PINX1: variants seen among roughly 807,000 people sequenced by gnomAD.
PINX1 encodes PIN2 (TERF1) interacting telomerase inhibitor 1.
A neutral mutation model predicts 25.4 loss-of-function variants in PINX1; 34 were observed. The observed-to-expected ratio is 1.34, with a 90% CI of 1.02 to 1.78. The LOEUF (loss-of-function observed/expected upper bound fraction) is 1.78. PINX1 is among the 40% of genes most tolerant of loss of function. The pLI is 0.00. For missense variants in PINX1, 592 were observed against 404.9 expected (o/e 1.46, Z -3.97); for synonymous variants, 197 against 147.7 (o/e 1.33, Z -2.42).
intron 4 of PINX1, among the ~76,000 whole-genome samples, chr8:10,830,597 C>A (rs976410849): frequency 5.9e-5 from 9 of 152,132 alleles, no homozygotes; most frequent in Non-Finnish European, 1.2e-4. Flanking sequence ...ATAGACTGTT[C>A]ATAAACAAGA....
chr8:10,799,170 T>C (rs892482669), intron 6 of PINX1, among the ~76,000 whole-genome samples: 3 of 152,182 alleles, frequency 2.0e-5, no homozygotes, highest in East Asian at 1.9e-4. Flanking sequence ...TTGGAATCTA[T>C]ATCTGGACAG....
chr8:10,793,818 A>G (rs916320882), intron 6 of PINX1, among the ~76,000 whole-genome samples: 35 of 152,210 alleles, frequency 2.3e-4, no homozygotes, highest in Admixed American at 3.9e-4. Flanking sequence ...GTTGTAACAA[A>G]TCATGACAAC....
rs551367693 is a variant in PINX1, at chr8:10,785,099, A to G, written c.472-19183T>C. Among the ~76,000 whole-genome samples, 117 of 152,344 alleles carry G rather than the reference A, an allele frequency of 7.7e-4. 3 individuals carry two copies. The South Asian group carries it at 0.021, about 27-fold the overall frequency. On this transcript the variant is annotated intron_variant, in intron 6 of 6. Transcript: ENST00000314787. ...AAAAACTTCTTTTTAGAAAATTCCC[A>G]TAACGTTTTAAGCTAGTTCAAGATT...
At chr8:10,837,708 C>T (rs768071744) in intron 1 of PINX1, among the ~76,000 whole-genome samples, 2 of 152,134 alleles carry the variant, frequency 1.3e-5, no homozygotes, top group Non-Finnish European at 2.9e-5. Flanking sequence ...CAATAAAAAC[C>T]ATCCACACAA....
chr8:10,809,821 T>C (rs955758742), intron 6 of PINX1, among the ~76,000 whole-genome samples: 2 of 152,274 alleles, frequency 1.3e-5, no homozygotes, highest in Non-Finnish European at 2.9e-5. Flanking sequence ...ATTTTATGAA[T>C]CTTCGAAGTT....
intron 5 of PINX1, among the ~76,000 whole-genome samples, chr8:10,822,936 T>C (rs754051833): frequency 1.6e-4 from 24 of 152,216 alleles, no homozygotes; most frequent in Non-Finnish European, 2.6e-4. Context: ...GAAGGACAAA[T>C]AAAATGACAT....
intron 6 of PINX1, among the ~76,000 whole-genome samples, chr8:10,812,626 T>C (rs1406008188): frequency 1.3e-5 from 2 of 152,226 alleles, no homozygotes; most frequent in East Asian, 3.8e-4. Flanking sequence ...ATTTCTTCCA[T>C]CTGTTTCTGT....
chr8:10,779,161 T>C (rs929032231), intron 6 of PINX1, among the ~76,000 whole-genome samples: 1 of 152,258 alleles, frequency 6.6e-6, no homozygotes, highest in African/African-American at 2.4e-5. Context: ...TCTAGCCGTA[T>C]TTTTTAAAGG....
chr8:10,767,248 C>G (rs1012577710), intron 6 of PINX1, among the ~76,000 whole-genome samples: 2 of 152,096 alleles, frequency 1.3e-5, no homozygotes, highest in African/African-American at 4.8e-5. Context: ...TATAAACAGA[C>G]CCTGTATTGT....
At chr8:10,773,249 T>G (rs1193248709) in intron 6 of PINX1, among the ~76,000 whole-genome samples, 1 of 152,174 alleles carries the variant, frequency 6.6e-6, no homozygotes, top group African/African-American at 2.4e-5. Context: ...TATATACACG[T>G]ATGGAACTGG....
intron 5 of PINX1, chr8:10,825,480 T>C: frequency 3.7e-6 from 2 of 534,066 alleles, no homozygotes; most frequent in Non-Finnish European, 7.7e-6. Context: ...TTCTATTAGG[T>C]TAAATTGCTT....
chr8:10,824,187 G>C (rs902154838), intron 5 of PINX1, among the ~76,000 whole-genome samples: 3 of 152,188 alleles, frequency 2.0e-5, no homozygotes, highest in Non-Finnish European at 2.9e-5. Flanking sequence ...TTTTACAAAA[G>C]AGGAAACTGA....
chr8:10,822,479 G>A (rs751268210), intron 5 of PINX1, among the ~76,000 whole-genome samples: 7 of 152,144 alleles, frequency 4.6e-5, no homozygotes, highest in Non-Finnish European at 1.0e-4. Flanking sequence ...CAGTAAGAAA[G>A]GCCTCCAAGA....
intron 6 of PINX1, among the ~76,000 whole-genome samples, chr8:10,769,893 T>A (rs145886613): frequency 3.9e-5 from 6 of 152,202 alleles, no homozygotes; most frequent in African/African-American, 1.4e-4. Context: ...TATGTATCAA[T>A]TGACCACATA....
intron 5 of PINX1, chr8:10,825,581 T>C (rs1586201303): frequency 2.5e-6 from 1 of 403,834 alleles, no homozygotes. Flanking sequence ...AGGGAGGTGG[T>C]GATGAAGGAA....
chr8:10,779,032 C>T (rs545058007), intron 6 of PINX1, among the ~76,000 whole-genome samples: 2 of 152,238 alleles, frequency 1.3e-5, no homozygotes, highest in East Asian at 1.9e-4. Context: ...AATGTCTGTT[C>T]CTAGGTTTAG....
intron 1 of PINX1, among the ~76,000 whole-genome samples, chr8:10,838,633 G>T (rs1458989333): frequency 1.3e-5 from 2 of 152,172 alleles, no homozygotes; most frequent in African/African-American, 4.8e-5. Context: ...AAAACCAGAA[G>T]AGATCTTAGC....
At chr8:10,780,561 A>C (rs1010618258) in intron 6 of PINX1, among the ~76,000 whole-genome samples, 3 of 152,168 alleles carry the variant, frequency 2.0e-5, no homozygotes, top group Non-Finnish European at 2.9e-5. Flanking sequence ...ATCCCAAACA[A>C]ATGAAAACCT....
intron 6 of PINX1, among the ~76,000 whole-genome samples, chr8:10,803,544 C>T (rs539569254): frequency 6.6e-6 from 1 of 152,268 alleles, no homozygotes; most frequent in East Asian, 1.9e-4. Flanking sequence ...TCAATTGTTT[C>T]GAGCTCTGTC....
Sources: gnomAD v4.1 joint callset for allele counts (sites outside exome capture counted in the v4.1 genomes callset) on GRCh38, gnomAD v4.1.1 for gene constraint, MANE v1.5 for transcripts, NCBI Gene and HGNC (gene_info 2026-07-23, HGNC 2026-07-21) for gene names.